SCFD2: variants seen among roughly 807,000 people sequenced by gnomAD.
The protein encoded by SCFD2 is sec1 family domain-containing protein 2.
SCFD2 carries 54 observed loss-of-function variants against 58.9 expected under a neutral mutation model. The observed-to-expected ratio is 0.92, with a 90% CI of 0.74 to 1.15. SCFD2 has a LOEUF of 1.15. SCFD2 is among the 50% of genes most tolerant of loss of function. SCFD2 has a pLI of 0.00. For missense variants in SCFD2, 805 were observed against 836.6 expected (o/e 0.96, Z 0.47); for synonymous variants, 321 against 335.9 (o/e 0.96, Z 0.49).
At chr4:53,204,369 C>T (rs1458718589) in intron 4 of SCFD2, among the ~76,000 whole-genome samples, 1 of 151,350 alleles carries the variant, frequency 6.6e-6, no homozygotes, top group Non-Finnish European at 1.5e-5. Flanking sequence ...AATATTGTAT[C>T]CATAAAAAAT....
At chr4:52,918,643 T>C (rs1719663410) in intron 6 of SCFD2, among the ~76,000 whole-genome samples, 1 of 152,156 alleles carries the variant, frequency 6.6e-6, no homozygotes, top group Non-Finnish European at 1.5e-5. Context: ...ATTATAAATT[T>C]TTCCTAAATT....
chr4:53,249,271 A>C (rs1282494153), intron 4 of SCFD2, among the ~76,000 whole-genome samples: 2 of 152,064 alleles, frequency 1.3e-5, no homozygotes, highest in African/African-American at 4.8e-5. Flanking sequence ...GAACAAAAAG[A>C]AACGAACAAA....
intron 5 of SCFD2, among the ~76,000 whole-genome samples, chr4:53,028,447 A>G (rs1270894785): frequency 7.9e-5 from 12 of 152,198 alleles, no homozygotes; most frequent in Admixed American, 5.9e-4. Context: ...ATCATACTAT[A>G]GTACTCCTTC....
intron 4 of SCFD2, among the ~76,000 whole-genome samples, chr4:53,234,044 C>T (rs1356336922): frequency 6.6e-6 from 1 of 152,134 alleles, no homozygotes; most frequent in East Asian, 1.9e-4. Context: ...AGAAGCAATA[C>T]TAGAAAAGCA....
chr4:53,169,667 G>A (rs71597822), intron 4 of SCFD2, among the ~76,000 whole-genome samples: 8,368 of 152,180 alleles, frequency 0.055, 363 homozygotes, highest in East Asian at 0.19. Flanking sequence ...TCAACAGTGC[G>A]TACAGATTCC....
chr4:53,303,327 T>C (rs1732383673), intron 3 of SCFD2, among the ~76,000 whole-genome samples: 1 of 152,188 alleles, frequency 6.6e-6, no homozygotes, highest in Admixed American at 6.5e-5. Context: ...AAGACATTTA[T>C]GTAGCCAAAA....
intron 4 of SCFD2, among the ~76,000 whole-genome samples, chr4:53,216,137 G>A (rs1009926165): frequency 6.6e-6 from 1 of 152,160 alleles, no homozygotes; most frequent in Admixed American, 6.6e-5. Context: ...CCAGCCTTTG[G>A]TGTCAGGATG....
Position 53,232,021 on chromosome 4 carries a change from A to C in SCFD2, c.1311+41805T>G, listed in dbSNP as rs367768753. 7.9e-5 allele frequency among the ~76,000 whole-genome samples: 12 copies of C among 152,264 alleles called. No homozygotes were observed. The South Asian group carries it at 1.5e-3, about 18-fold the overall frequency. The stretch of plus-strand genomic sequence containing the variant: ...CAAAACAAAAACTAGTGGGTATCAT[A>C]TATTCAATAAGACAGAAGAGAAATT... On this transcript the variant is annotated intron_variant, in intron 4 of 8. Coordinates refer to ENST00000401642, the MANE Select transcript of SCFD2 (RefSeq NM_152540.4).
At chr4:53,241,267 G>C (rs180739909) in intron 4 of SCFD2, among the ~76,000 whole-genome samples, 1 of 152,136 alleles carries the variant, frequency 6.6e-6, no homozygotes, top group Non-Finnish European at 1.5e-5. Context: ...GATTTGGTGC[G>C]GTGGCAACTA....
intron 4 of SCFD2, among the ~76,000 whole-genome samples, chr4:53,192,883 CT>C (rs1727954290): frequency 6.6e-6 from 1 of 152,008 alleles, no homozygotes; most frequent in South Asian, 2.1e-4. Flanking sequence ...ACAACAGCAT[CT>C]TATAAGAATC....
At chr4:52,980,510 A>G (rs1721352485) in intron 5 of SCFD2, among the ~76,000 whole-genome samples, 1 of 152,162 alleles carries the variant, frequency 6.6e-6, no homozygotes, top group Non-Finnish European at 1.5e-5. Context: ...TGAGGCCCCC[A>G]AGTTAGCTCA....
At chr4:53,268,595 G>A (rs1207989212) in intron 4 of SCFD2, among the ~76,000 whole-genome samples, 1 of 152,196 alleles carries the variant, frequency 6.6e-6, no homozygotes, top group Non-Finnish European at 1.5e-5. Context: ...GCAGAATGAG[G>A]AGGGTATCTG....
intron 2 of SCFD2, among the ~76,000 whole-genome samples, chr4:53,318,338 T>A (rs903792185): frequency 4.6e-5 from 7 of 152,194 alleles, no homozygotes; most frequent in Non-Finnish European, 1.0e-4. Context: ...ACTACAGTTA[T>A]TACTTTTACA....
intron 5 of SCFD2, among the ~76,000 whole-genome samples, chr4:53,097,232 T>G (rs1247961436): frequency 2.6e-5 from 4 of 152,080 alleles, no homozygotes; most frequent in African/African-American, 9.7e-5. Flanking sequence ...TTTAAAGTTG[T>G]TTTTTCCAAT....
intron 5 of SCFD2, among the ~76,000 whole-genome samples, chr4:53,128,423 C>T (rs1725696394): frequency 6.6e-6 from 1 of 152,132 alleles, no homozygotes; most frequent in East Asian, 1.9e-4. Context: ...AAGGCATGTA[C>T]TCATCTCAAA....
intron 3 of SCFD2, among the ~76,000 whole-genome samples, chr4:53,295,013 C>A (rs981840828): frequency 6.6e-6 from 1 of 152,116 alleles, no homozygotes; most frequent in Non-Finnish European, 1.5e-5. Context: ...TGTTTTGGTA[C>A]CAGTACCGTG....
At chr4:53,176,863 C>T (rs1207828801) in intron 4 of SCFD2, among the ~76,000 whole-genome samples, 2 of 149,974 alleles carry the variant, frequency 1.3e-5, no homozygotes, top group East Asian at 2.0e-4. Flanking sequence ...GCAGGAGAAT[C>T]ACTTGAACCC....
chr4:53,069,271 G>A (rs554747941), intron 5 of SCFD2, among the ~76,000 whole-genome samples: 37 of 152,152 alleles, frequency 2.4e-4, no homozygotes, highest in African/African-American at 8.4e-4. Context: ...CTTGGGATAA[G>A]TAAGTAACAC....
At chr4:53,287,050 A>G (rs1731689674) in intron 3 of SCFD2, among the ~76,000 whole-genome samples, 1 of 152,130 alleles carries the variant, frequency 6.6e-6, no homozygotes, top group Non-Finnish European at 1.5e-5. Flanking sequence ...TGGTGCCATG[A>G]CAGCTCTGTG....
Sources: gnomAD v4.1 joint callset for allele counts (sites outside exome capture counted in the v4.1 genomes callset) on GRCh38, gnomAD v4.1.1 for gene constraint, MANE v1.5 for transcripts, NCBI Gene and HGNC (gene_info 2026-07-23, HGNC 2026-07-21) for gene names.